MRTFB: variants seen among roughly 807,000 people sequenced by gnomAD.
MRTFB encodes myocardin related transcription factor B.
In MRTFB, 29 loss-of-function variants were observed where a neutral mutation model predicts 104.2. The observed-to-expected ratio is 0.28, with a 90% CI of 0.21 to 0.38. The LOEUF is 0.38. MRTFB is among the 10% of genes least tolerant of loss of function. The pLI is 1.00. For synonymous variants in MRTFB, 535 were observed against 519.5 expected (o/e 1.03, Z -0.41); for missense variants, 1,270 against 1,341.6 (o/e 0.95, Z 0.83).
At chr16:14,042,743 C>T in the MRTFB span, among the ~76,000 whole-genome samples, 5 of 152,124 alleles carry the variant, frequency 3.3e-5, no homozygotes, top group Non-Finnish European at 5.9e-5. Context: ...CTGCCTGTTA[C>T]GTTTCAAACA....
intron 2 of MRTFB, among the ~76,000 whole-genome samples, chr16:14,092,405 T>C (rs997454140): frequency 3.3e-5 from 5 of 152,182 alleles, no homozygotes; most frequent in Non-Finnish European, 5.9e-5. Context: ...TTAGGAGTTA[T>C]CTGTGTAGGG....
chr16:13,995,826 T>A, the MRTFB span, among the ~76,000 whole-genome samples: 631 of 152,172 alleles, frequency 4.1e-3, 4 homozygotes, highest in African/African-American at 0.014. Flanking sequence ...GCAAGGGGGA[T>A]GACCGCTCCC....
chr16:14,062,893 C>T, the MRTFB span, among the ~76,000 whole-genome samples: 51 of 152,116 alleles, frequency 3.4e-4, 1 homozygote, highest in African/African-American at 1.1e-3. Context: ...ACTGGGAGCT[C>T]GACCCTGCAA....
chr16:14,214,879 G>C (rs977509819), intron 6 of MRTFB: 2 of 152,200 alleles, frequency 1.3e-5, no homozygotes, highest in Admixed American at 6.5e-5. Context: ...CCAGGGGCAG[G>C]AGGTGAGAGG....
intron 2 of MRTFB, among the ~76,000 whole-genome samples, chr16:14,099,489 A>G (rs2035578938): frequency 6.8e-6 from 1 of 148,032 alleles, no homozygotes; most frequent in Non-Finnish European, 1.5e-5. Flanking sequence ...GGTCCTCCTA[A>G]GAAGCTGGAA....
chr16:14,024,198 A>G, the MRTFB span, among the ~76,000 whole-genome samples: 1 of 152,176 alleles, frequency 6.6e-6, no homozygotes, highest in Admixed American at 6.5e-5. Flanking sequence ...TTGTCTGTGC[A>G]TTTGCTCAGC....
At chr16:14,159,803 G>T (rs1045187390) in intron 3 of MRTFB, among the ~76,000 whole-genome samples, 1 of 149,674 alleles carries the variant, frequency 6.7e-6, no homozygotes, top group Non-Finnish European at 1.5e-5. Context: ...AGTGGCGGGC[G>T]CCTGTAGTCC....
the MRTFB span, among the ~76,000 whole-genome samples, chr16:14,057,820 G>T: frequency 6.6e-6 from 1 of 152,202 alleles, no homozygotes. Context: ...TGAAGTGCTT[G>T]TTATTCAAAA....
intron 3 of MRTFB, 74 bp downstream of exon 3, chr16:14,140,834 T>C: frequency 1.9e-6 from 3 of 1,581,528 alleles, no homozygotes; most frequent in Non-Finnish European, 1.7e-6. Context: ...TATTCCTGTT[T>C]GGTAGTAATA....
At chr16:14,259,309 G>A (rs1042744485) in intron 16 of MRTFB, among the ~76,000 whole-genome samples, 4 of 151,406 alleles carry the variant, frequency 2.6e-5, no homozygotes, top group Admixed American at 2.0e-4. Context: ...AGCCGGGTGT[G>A]GTGGCAGGCA....
chr16:14,066,593 C>A (rs139989955), upstream of MRTFB, among the ~76,000 whole-genome samples: 5 of 151,784 alleles, frequency 3.3e-5, no homozygotes, highest in African/African-American at 9.7e-5. Context: ...TTTTTTAAAA[C>A]CTCTTACTTT....
intron 3 of MRTFB, among the ~76,000 whole-genome samples, chr16:14,180,524 T>C (rs942420684): frequency 1.6e-4 from 24 of 152,210 alleles, no homozygotes; most frequent in African/African-American, 5.3e-4. Flanking sequence ...TGATTACTCA[T>C]GCTAATGATT....
intron 2 of MRTFB, among the ~76,000 whole-genome samples, chr16:14,111,591 C>G (rs1257517664): frequency 6.6e-6 from 1 of 152,208 alleles, no homozygotes; most frequent in African/African-American, 2.4e-5. Context: ...CCTGCATGGG[C>G]AAACTGAGAG....
Position 14,264,543 on chromosome 16 carries a change from A to C in MRTFB, c.*3099A>C, listed in dbSNP as rs1213630747. The C allele has an allele frequency of 1.3e-5, 2 of 152,172 alleles. No homozygotes were observed. Among genetic ancestry groups the C allele is most frequent in the Non-Finnish European group, 2.9e-5 (2 of 68,028 alleles). The allele number at this position is 152,172 out of a possible 1,614,324, so 9.4% of individuals were successfully genotyped here. On this transcript the variant is annotated 3_prime_UTR_variant, in exon 17 of 17. Transcript: ENST00000571589. ...CATAATTGTACATAGATGTATTCTGAATTTGTGGAATTTCTTGCTTAGATA... is the reference window on the plus strand; with the variant it reads ...CATAATTGTACATAGATGTATTCTGCATTTGTGGAATTTCTTGCTTAGATA...
chr16:14,058,695 A>ATTTTT, the MRTFB span, among the ~76,000 whole-genome samples: 3 of 67,530 alleles, frequency 4.4e-5, no homozygotes, highest in Non-Finnish European at 9.2e-5. Flanking sequence ...TTATTTATTT[A>ATTTTT]TTTTTTATTT....
the MRTFB span, among the ~76,000 whole-genome samples, chr16:14,004,201 T>A: frequency 6.6e-6 from 1 of 152,114 alleles, no homozygotes; most frequent in African/African-American, 2.4e-5. Flanking sequence ...GATGGGAGAA[T>A]GGCTAGCTGG....
At chr16:14,086,424 C>G (rs2034706627) in intron 2 of MRTFB, among the ~76,000 whole-genome samples, 1 of 152,096 alleles carries the variant, frequency 6.6e-6, no homozygotes, top group African/African-American at 2.4e-5. Flanking sequence ...TAAATAATCC[C>G]CTAGCAATTT....
chr16:14,056,595 G>A, the MRTFB span, among the ~76,000 whole-genome samples: 1 of 152,154 alleles, frequency 6.6e-6, no homozygotes, highest in Non-Finnish European at 1.5e-5. Context: ...ACCTCTCCAA[G>A]GAGCCCTGGT....
chr16:14,019,021 A>G, the MRTFB span: 1 of 152,182 alleles, frequency 6.6e-6, no homozygotes, highest in Admixed American at 6.6e-5. Flanking sequence ...GAAGAGCCCC[A>G]AGTGGCGGGG....
Sources: gnomAD v4.1 joint callset for allele counts (sites outside exome capture counted in the v4.1 genomes callset) on GRCh38, gnomAD v4.1.1 for gene constraint, MANE v1.5 for transcripts, NCBI Gene and HGNC (gene_info 2026-07-23, HGNC 2026-07-21) for gene names.